Variants in TENM4 observed in about 807,000 individuals in gnomAD.
TENM4 encodes the protein teneurin transmembrane protein 4, also known as teneurin-4.
Under a neutral mutation model 243.3 loss-of-function variants are expected in TENM4, and 82 were observed. The ratio of observed to expected loss-of-function variants is 0.34; its 90% CI spans 0.28 to 0.40. TENM4 has a LOEUF of 0.40. Among genes scored for constraint, TENM4 ranks in the 10% least tolerant of loss-of-function variants. TENM4 has a pLI of 1.00. For synonymous variants in TENM4, 1,412 were observed against 1,456.3 expected (o/e 0.97, Z 0.69); for missense variants, 3,138 against 3,673.3 (o/e 0.85, Z 3.77).
chr11:79,311,219 T>C (rs1172783623), intron 1 of TENM4, among the ~76,000 whole-genome samples: 1 of 152,232 alleles, frequency 6.6e-6, no homozygotes, highest in African/African-American at 2.4e-5. Flanking sequence ...AATTCCCCCG[T>C]ATCCTAAATG....
At chr11:78,796,407 AGGGCCCAACT>A (rs1857161095) in intron 15 of TENM4, among the ~76,000 whole-genome samples, 1 of 152,138 alleles carries the variant, frequency 6.6e-6, no homozygotes, top group African/African-American at 2.4e-5. Context: ...CCCCACTAAA[AGGGCCCAACT>A]GGGTGAAATG....
chr11:78,690,032 C>T (rs1858780517), intron 28 of TENM4, among the ~76,000 whole-genome samples: 1 of 152,154 alleles, frequency 6.6e-6, no homozygotes, highest in Non-Finnish European at 1.5e-5. Flanking sequence ...AGAGGCTCTC[C>T]TGTGGGTGGT....
At chr11:78,814,954 C>T (rs1857573397) in intron 12 of TENM4, among the ~76,000 whole-genome samples, 1 of 152,222 alleles carries the variant, frequency 6.6e-6, no homozygotes, top group Admixed American at 6.5e-5. Context: ...TCTTGCTCCT[C>T]ACCTTGATGT....
intron 4 of TENM4, among the ~76,000 whole-genome samples, chr11:79,142,648 G>A (rs1862309162): frequency 6.6e-6 from 1 of 151,970 alleles, no homozygotes; most frequent in African/African-American, 2.4e-5. Context: ...ATTTTAGATG[G>A]AGCCACAAAA....
At chr11:78,936,856 T>C (rs1856796901) in intron 6 of TENM4, among the ~76,000 whole-genome samples, 1 of 152,112 alleles carries the variant, frequency 6.6e-6, no homozygotes, top group African/African-American at 2.4e-5. Context: ...CTGCCCTAAG[T>C]AATTATAGCA....
At chr11:78,706,075 C>T (rs1859240862) in intron 27 of TENM4, among the ~76,000 whole-genome samples, 1 of 152,176 alleles carries the variant, frequency 6.6e-6, no homozygotes, top group African/African-American at 2.4e-5. Context: ...CATTTGCATT[C>T]ATCACACCTC....
chr11:78,715,225 C>G (rs1016481211), intron 25 of TENM4, among the ~76,000 whole-genome samples: 2 of 152,208 alleles, frequency 1.3e-5, no homozygotes, highest in African/African-American at 4.8e-5. Context: ...CAGATGACAT[C>G]AATTCTGGCT....
chr11:79,009,265 C>G (rs1858579422), intron 6 of TENM4, among the ~76,000 whole-genome samples: 1 of 152,194 alleles, frequency 6.6e-6, no homozygotes, highest in African/African-American at 2.4e-5. Context: ...CCAAGGTTAT[C>G]TCAGGTCCCA....
At chr11:79,033,289 C>T (rs1859292266) in intron 6 of TENM4, among the ~76,000 whole-genome samples, 1 of 152,140 alleles carries the variant, frequency 6.6e-6, no homozygotes, top group Non-Finnish European at 1.5e-5. Flanking sequence ...AAACCAGGTT[C>T]CTGGAGGTCA....
At chr11:79,303,023 G>A (rs1856574359) in intron 1 of TENM4, among the ~76,000 whole-genome samples, 2 of 152,186 alleles carry the variant, frequency 1.3e-5, no homozygotes, top group South Asian at 4.1e-4. Context: ...AGGAGGCACA[G>A]GATAAGAATA....
intron 2 of TENM4, among the ~76,000 whole-genome samples, chr11:79,219,591 G>A (rs1009183782): frequency 1.3e-5 from 2 of 152,278 alleles, no homozygotes; most frequent in Admixed American, 6.5e-5. Context: ...GAGACTCTGG[G>A]GAATCTAAGC....
At chr11:79,259,826 CA>C (rs1382708950) in intron 2 of TENM4, among the ~76,000 whole-genome samples, 1 of 152,252 alleles carries the variant, frequency 6.6e-6, no homozygotes, top group African/African-American at 2.4e-5. Context: ...AAAATCTCAA[CA>C]ACTCTCTTTT....
intron 6 of TENM4, among the ~76,000 whole-genome samples, chr11:78,941,402 G>A (rs1320248138): frequency 2.6e-5 from 4 of 152,204 alleles, no homozygotes; most frequent in African/African-American, 9.7e-5. Flanking sequence ...CTGGTGGGTG[G>A]GCCTATAGGT....
intron 7 of TENM4, among the ~76,000 whole-genome samples, chr11:78,901,369 A>G (rs1855925976): frequency 6.6e-6 from 1 of 152,178 alleles, no homozygotes; most frequent in Non-Finnish European, 1.5e-5. Context: ...AGTATAAATA[A>G]AAAGAAAAAG....
intron 6 of TENM4, among the ~76,000 whole-genome samples, chr11:79,033,131 A>G (rs1284923571): frequency 6.6e-6 from 1 of 152,046 alleles, no homozygotes; most frequent in African/African-American, 2.4e-5. Flanking sequence ...TTGATGACCT[A>G]CTAGATATCT....
At chr11:79,363,463 G>C (rs746107078) in intron 1 of TENM4, among the ~76,000 whole-genome samples, 4 of 152,224 alleles carry the variant, frequency 2.6e-5, no homozygotes, top group Non-Finnish European at 4.4e-5. Flanking sequence ...AGTTTGACTT[G>C]TGGCTGTGCC....
chr11:79,388,368 A>AAAC (rs1858159627), intron 1 of TENM4, among the ~76,000 whole-genome samples: 1 of 152,216 alleles, frequency 6.6e-6, no homozygotes, highest in African/African-American at 2.4e-5. Flanking sequence ...AAACAAAACA[A>AAAC]AACAAAAAAC....
chr11:78,758,430 GT>G (rs1414949981), intron 18 of TENM4, among the ~76,000 whole-genome samples: 1 of 152,180 alleles, frequency 6.6e-6, no homozygotes. Flanking sequence ...GGACCATGAT[GT>G]TCAGAGACTA....
rs527666623 is a variant in TENM4, at chr11:79,258,944, C to A, written c.-265+38544G>T. On this transcript the variant is annotated intron_variant, in intron 2 of 33. Transcript: ENST00000278550. ...AAGCTGAGTTCCAGTCCTGGCCCCC[C>A]CCACCTACTAGCTGTATGGCCAGGG... Among the ~76,000 whole-genome samples, 5 of 152,334 alleles carry A rather than the reference C, an allele frequency of 3.3e-5. No individual in the cohort carries two copies. In the South Asian group the frequency reaches 8.3e-4, roughly 25 times the overall value.
Sources: allele counts gnomAD v4.1 joint callset (sites outside exome capture counted in the v4.1 genomes callset), GRCh38; gene constraint gnomAD v4.1.1; transcripts MANE v1.5; gene names NCBI Gene and HGNC (gene_info 2026-07-23, HGNC 2026-07-21).